NTN4: variants seen among roughly 807,000 people sequenced by gnomAD.
The protein encoded by NTN4 is netrin 4, also known as netrin-4.
A neutral mutation model predicts 73.6 loss-of-function variants in NTN4; 32 were observed. The ratio of observed to expected loss-of-function variants is 0.44; its 90% CI spans 0.33 to 0.58. The LOEUF is 0.58. Among genes scored for constraint, NTN4 ranks in the 20% least tolerant of loss-of-function variants. The pLI is 0.04. For synonymous variants in NTN4, 258 were observed against 287.5 expected, an observed-to-expected ratio of 0.90 and a Z score of 1.04; for missense variants, 654 against 798.3, an observed-to-expected ratio of 0.82 and a Z score of 2.18.
At chr12:95,691,514 G>T (rs894380728) in intron 5 of NTN4, among the ~76,000 whole-genome samples, 5 of 152,146 alleles carry the variant, frequency 3.3e-5, no homozygotes, top group African/African-American at 1.2e-4. Context: ...TCATGCCTCA[G>T]CCTCCTGAGT....
At chr12:95,701,688 C>T (rs967698418) in intron 5 of NTN4, among the ~76,000 whole-genome samples, 1 of 152,120 alleles carries the variant, frequency 6.6e-6, no homozygotes, top group African/African-American at 2.4e-5. Flanking sequence ...AATTTATAAC[C>T]ATTAAGTAAA....
chr12:95,710,360 T>G (rs2254316), intron 5 of NTN4, 81 bp downstream of exon 5: 1 of 1,178,954 alleles, frequency 8.5e-7, no homozygotes, highest in East Asian at 2.4e-5. Context: ...ACCTCCTTCT[T>G]TTGGGTTAGC....
Position 95,673,146 on chromosome 12 carries a change from G to A in NTN4, c.1511-3000C>T, listed in dbSNP as rs755181059. 71 of 730,400 alleles carry A rather than the reference G, an allele frequency of 9.7e-5. No individual in the cohort carries two copies. The Middle Eastern group carries it at 1.3e-3, about 13-fold the overall frequency. 45.2% of individuals were successfully genotyped at this position (730,400 alleles called of 1,614,324 possible). ...CCCTCTGCTCATCCCTCCTGCACAC[G>A]CCACACTGACCACATCTGTAGGCAT... On this transcript the variant is annotated intron_variant, in intron 7 of 9. Coordinates refer to ENST00000343702, the MANE Select transcript of NTN4 (RefSeq NM_021229.4).
intron 5 of NTN4, among the ~76,000 whole-genome samples, chr12:95,687,536 G>T (rs1192527617): frequency 6.6e-6 from 1 of 151,744 alleles, no homozygotes. Context: ...AAGTAGCTGG[G>T]ATTATAGGTG....
intron 1 of NTN4, among the ~76,000 whole-genome samples, chr12:95,788,591 C>G (rs917641188): frequency 2.6e-5 from 4 of 152,212 alleles, no homozygotes; most frequent in African/African-American, 9.7e-5. Flanking sequence ...GCTTAAGAAG[C>G]AGTACCTCTG....
intron 7 of NTN4, among the ~76,000 whole-genome samples, chr12:95,681,053 G>A (rs2078311140): frequency 6.6e-6 from 1 of 152,050 alleles, no homozygotes; most frequent in Non-Finnish European, 1.5e-5. Context: ...GCCAGGTGTG[G>A]TGGTGGGTGC....
chr12:95,765,264 G>T (rs549639119), intron 2 of NTN4, among the ~76,000 whole-genome samples: 1 of 152,290 alleles, frequency 6.6e-6, no homozygotes, highest in South Asian at 2.1e-4. Flanking sequence ...GGAATGAAGA[G>T]ACAAGAATTG....
chr12:95,730,224 T>C (rs2078728137), intron 3 of NTN4, among the ~76,000 whole-genome samples: 1 of 152,228 alleles, frequency 6.6e-6, no homozygotes, highest in East Asian at 1.9e-4. Context: ...GGAAAAACAT[T>C]CACTTTCTGG....
intron 3 of NTN4, among the ~76,000 whole-genome samples, chr12:95,722,973 C>CA (rs71087998): frequency 0.16 from 8,947 of 55,254 alleles, 2,608 homozygotes; most frequent in East Asian, 0.56. Flanking sequence ...GACTCTGTCT[C>CA]AAAAAAAAAA....
intron 5 of NTN4, among the ~76,000 whole-genome samples, chr12:95,708,518 A>G (rs968704966): frequency 2.0e-5 from 3 of 151,852 alleles, no homozygotes; most frequent in African/African-American, 7.3e-5. Flanking sequence ...CGGTCTCCCA[A>G]AGTGCTGTAA....
chr12:95,686,417 C>T (rs756992282), intron 5 of NTN4, among the ~76,000 whole-genome samples: 3 of 152,116 alleles, frequency 2.0e-5, no homozygotes, highest in South Asian at 2.1e-4. Flanking sequence ...GATCATTTAG[C>T]GATCTGAGCC....
chr12:95,682,057 C>CTTTTTTTT (rs557973212), intron 7 of NTN4, among the ~76,000 whole-genome samples: 1,340 of 64,508 alleles, frequency 0.021, 246 homozygotes, highest in Middle Eastern at 0.071. Context: ...ATTCAGTAGG[C>CTTTTTTTT]TTTTTTTTTT....
intron 7 of NTN4, among the ~76,000 whole-genome samples, chr12:95,682,056 G>GGTTTTTT: frequency 2.6e-5 from 1 of 37,960 alleles, no homozygotes; most frequent in Non-Finnish European, 4.3e-5. Flanking sequence ...TATTCAGTAG[G>GGTTTTTT]CTTTTTTTTT....
intron 7 of NTN4, among the ~76,000 whole-genome samples, chr12:95,678,349 T>TAA (rs59083360): frequency 0.03 from 3,379 of 110,846 alleles, 141 homozygotes; most frequent in East Asian, 0.24. Context: ...GAACTTAAAG[T>TAA]AAAAAAAAAA....
chr12:95,665,525 T>G (rs1191369797), intron 9 of NTN4, among the ~76,000 whole-genome samples: 1 of 152,216 alleles, frequency 6.6e-6, no homozygotes, highest in Non-Finnish European at 1.5e-5. Context: ...TGAAAGTGCT[T>G]TCTATGCAAC....
Position 95,789,162 on chromosome 12 carries a change from A to G in NTN4, c.55+1093T>C, listed in dbSNP as rs2079189965. On this transcript the variant is annotated intron_variant, in intron 1 of 9. Coordinates refer to ENST00000343702, the MANE Select transcript of NTN4 (RefSeq NM_021229.4). This position sits in a 1 kb window ranked among gnomAD's most constrained non-coding sequence, Gnocchi z 4.0. ...CAAAATACTTGGAGTCACTCAAGGG[A>G]CTATTCAATGATACTAAGGATGCTC... Among the ~76,000 whole-genome samples, 1 of 152,214 alleles carries G rather than the reference A, an allele frequency of 6.6e-6. No individual in the cohort carries two copies. Among genetic ancestry groups the G allele is most frequent in the African/African-American group, 2.4e-5 (1 of 41,462 alleles).
At chr12:95,736,013 A>T (rs889434104) in intron 3 of NTN4, among the ~76,000 whole-genome samples, 1 of 151,484 alleles carries the variant, frequency 6.6e-6, no homozygotes, top group Non-Finnish European at 1.5e-5. Context: ...ATCTCGGCTC[A>T]CTGCAACCTC....
At chr12:95,704,618 TCAAA>T (rs2078510003) in intron 5 of NTN4, among the ~76,000 whole-genome samples, 1 of 152,168 alleles carries the variant, frequency 6.6e-6, no homozygotes, top group Non-Finnish European at 1.5e-5. Context: ...ATACTCCTAA[TCAAA>T]CAACGTAGGT....
intron 2 of NTN4, among the ~76,000 whole-genome samples, chr12:95,753,131 C>T (rs934255926): frequency 5.9e-5 from 9 of 152,160 alleles, no homozygotes; most frequent in Admixed American, 6.5e-5. Context: ...ACCCTGATAA[C>T]GCTTGATTTA....
Sources: gnomAD v4.1 joint callset for allele counts (sites outside exome capture counted in the v4.1 genomes callset) on GRCh38, gnomAD v4.1.1 for gene constraint, Gnocchi (gnomAD v3.1) non-coding constraint, MANE v1.5 for transcripts, NCBI Gene and HGNC (gene_info 2026-07-23, HGNC 2026-07-21) for gene names.